Variants in GSE1 observed in about 807,000 individuals in gnomAD.
GSE1 encodes genetic suppressor element 1.
In GSE1, 32 loss-of-function variants were observed where a neutral mutation model predicts 112.6. That is an observed-to-expected ratio of 0.28 (90% CI 0.21 to 0.38). The LOEUF (loss-of-function observed/expected upper bound fraction) is 0.38. Ranked by LOEUF, GSE1 falls within the 10% of genes least tolerant of loss-of-function variation. GSE1 has a pLI of 1.00. For synonymous variants in GSE1, 1,115 were observed against 735.6 expected (o/e 1.52, Z -8.35); for missense variants, 2,348 against 1,699.2 (o/e 1.38, Z -6.71).
At chr16:85,396,128 A>T (rs939192329) in intron 2 of GSE1, among the ~76,000 whole-genome samples, 1 of 151,678 alleles carries the variant, frequency 6.6e-6, no homozygotes, top group Non-Finnish European at 1.5e-5. Flanking sequence ...CATTTGGAAA[A>T]CTCACTGGGA....
At chr16:85,536,725 A>G (rs2044341169) in intron 2 of GSE1, among the ~76,000 whole-genome samples, 1 of 152,126 alleles carries the variant, frequency 6.6e-6, no homozygotes, top group South Asian at 2.1e-4. Flanking sequence ...TGGAATGGCC[A>G]TGTCACTGTT....
chr16:85,334,768 G>A (rs922267341), intron 1 of GSE1, among the ~76,000 whole-genome samples: 7 of 152,164 alleles, frequency 4.6e-5, no homozygotes, highest in Admixed American at 3.9e-4. Flanking sequence ...CTTCATCAGC[G>A]TATTCACTGC....
chr16:85,546,380 C>T (rs570821977), intron 2 of GSE1, among the ~76,000 whole-genome samples: 7 of 152,282 alleles, frequency 4.6e-5, no homozygotes, highest in African/African-American at 1.4e-4. Context: ...CCACCCCGCC[C>T]GGCCTGTGTT....
chr16:85,498,469 G>C (rs2051255016), intron 2 of GSE1, among the ~76,000 whole-genome samples: 1 of 152,010 alleles, frequency 6.6e-6, no homozygotes, highest in African/African-American at 2.4e-5. Context: ...GCATATACAT[G>C]CATAGATGTG....
intron 1 of GSE1, among the ~76,000 whole-genome samples, chr16:85,183,957 C>A (rs565296297): frequency 6.6e-6 from 1 of 152,322 alleles, no homozygotes; most frequent in Admixed American, 6.5e-5. Context: ...ACAGACCAAG[C>A]TCCCAGTAAA....
At chr16:85,508,978 T>C (rs2051639125) in intron 2 of GSE1, among the ~76,000 whole-genome samples, 1 of 152,022 alleles carries the variant, frequency 6.6e-6, no homozygotes, top group African/African-American at 2.4e-5. Context: ...GCTGGCTGGG[T>C]CACAGTGGAT....
upstream of GSE1, among the ~76,000 whole-genome samples, chr16:85,553,305 C>CGCCGCT (rs985434587): frequency 2.0e-5 from 3 of 150,434 alleles, no homozygotes; most frequent in Non-Finnish European, 4.5e-5. Flanking sequence ...CCGCCGCCGC[C>CGCCGCT]GCCGCTGCCG....
intron 1 of GSE1, among the ~76,000 whole-genome samples, chr16:85,179,854 C>G (rs2074545729): frequency 6.6e-6 from 1 of 152,184 alleles, no homozygotes; most frequent in Non-Finnish European, 1.5e-5. Flanking sequence ...GGTTATGGCC[C>G]CAACACTCAC....
chr16:85,385,426 T>TCAAAGCCACACAGAGACC (rs2047666549), intron 2 of GSE1, among the ~76,000 whole-genome samples: 1 of 152,108 alleles, frequency 6.6e-6, no homozygotes, highest in Non-Finnish European at 1.5e-5. Flanking sequence ...GGACAGAGAC[T>TCAAAGCCACACAGAGACC]CAAAGCCACA....
intron 1 of GSE1, among the ~76,000 whole-genome samples, chr16:85,181,758 A>G (rs981860154): frequency 2.0e-5 from 3 of 152,276 alleles, no homozygotes; most frequent in East Asian, 3.9e-4. Flanking sequence ...AGGACTGGCC[A>G]TGGGGCTGGG....
At chr16:85,563,543 G>C (rs549792671) in intron 1 of GSE1, among the ~76,000 whole-genome samples, 1 of 152,282 alleles carries the variant, frequency 6.6e-6, no homozygotes, top group South Asian at 2.1e-4. Flanking sequence ...TTTGGGTAAA[G>C]CCAGGTCCAG....
upstream of GSE1, among the ~76,000 whole-genome samples, chr16:85,606,883 C>A (rs954784788): frequency 1.3e-5 from 2 of 152,220 alleles, no homozygotes; most frequent in Non-Finnish European, 2.9e-5. Flanking sequence ...ATCAAGGGTC[C>A]GAGCGCTGCT....
At chr16:85,286,058 A>G (rs1294366046) in intron 1 of GSE1, 1 of 152,400 alleles carries the variant, frequency 6.6e-6, no homozygotes, top group African/African-American at 2.4e-5. Context: ...ATGTCCCCTC[A>G]TCTGGCCTGC....
At chr16:85,381,567 C>T (rs1278096884) in intron 2 of GSE1, among the ~76,000 whole-genome samples, 1 of 152,200 alleles carries the variant, frequency 6.6e-6, no homozygotes, top group East Asian at 1.9e-4. Flanking sequence ...TATTCATAAC[C>T]TCACTAAGAG....
At chr16:85,489,626 G>A (rs1051407878) in intron 2 of GSE1, among the ~76,000 whole-genome samples, 5 of 137,554 alleles carry the variant, frequency 3.6e-5, no homozygotes, top group East Asian at 2.5e-4. Context: ...TACGCGGCCC[G>A]CGCCTCCTTC....
intron 2 of GSE1, among the ~76,000 whole-genome samples, chr16:85,636,686 C>A (rs1375552894): frequency 1.7e-5 from 1 of 60,524 alleles, no homozygotes; most frequent in Non-Finnish European, 2.8e-5. Context: ...GCTGGGCCTT[C>A]CCGGGGGGGG....
At chr16:85,442,470 A>AT (rs2049401085) in intron 2 of GSE1, among the ~76,000 whole-genome samples, 3 of 151,952 alleles carry the variant, frequency 2.0e-5, no homozygotes, top group African/African-American at 4.8e-5. Flanking sequence ...GAATGAATGA[A>AT]GGGATAGAGA....
At position 85,419,106 on chromosome 16, in the gene GSE1, A is replaced by G. The variant is rs1486632667; in HGVS notation, c.2464+61463A>G. Among the ~76,000 whole-genome samples the G allele has an allele frequency of 6.6e-6, 1 of 152,018 alleles. No homozygotes were observed. Among genetic ancestry groups the G allele is most frequent in the East Asian group, 1.9e-4 (1 of 5,174 alleles). On this transcript the variant is annotated intron_variant, in intron 2 of 2. Transcript: ENST00000637419. This position sits in a 1 kb window ranked among gnomAD's most constrained non-coding sequence, Gnocchi z 6.5. Reference sequence around the variant, plus strand: ...CGTCCCAGCGCACAGATGGCGTGTAAAGCTGGGAGACTGGGGAGACACCTT... The same window carrying G: ...CGTCCCAGCGCACAGATGGCGTGTAGAGCTGGGAGACTGGGGAGACACCTT...
intron 8 of GSE1, among the ~76,000 whole-genome samples, chr16:85,660,515 T>G (rs981652052): frequency 2.0e-5 from 3 of 152,102 alleles, no homozygotes; most frequent in African/African-American, 4.8e-5. Flanking sequence ...GGCACACGCC[T>G]GTAATCCCAG....
Sources: gnomAD v4.1 joint callset for allele counts (sites outside exome capture counted in the v4.1 genomes callset) on GRCh38, gnomAD v4.1.1 for gene constraint, Gnocchi (gnomAD v3.1) non-coding constraint, MANE v1.5 for transcripts, NCBI Gene and HGNC (gene_info 2026-07-23, HGNC 2026-07-21) for gene names.